CNNM4: variants seen among roughly 807,000 people sequenced by gnomAD.
The protein encoded by CNNM4 is metal transporter CNNM4.
Under a neutral mutation model 53.7 loss-of-function variants are expected in CNNM4, and 32 were observed. The observed-to-expected ratio is 0.60, with a 90% CI of 0.45 to 0.80. The LOEUF is 0.80. Ranked by LOEUF, CNNM4 falls within the 30% of genes least tolerant of loss-of-function variation. The probability of loss-of-function intolerance (pLI) is 0.00; values close to 1 mark genes in which losing one functional copy is unlikely to be tolerated. For missense variants in CNNM4, 784 were observed against 1,022.0 expected (o/e 0.77, Z 3.17); for synonymous variants, 410 against 440.0 (o/e 0.93, Z 0.85).
chr2:96,795,508 G>A (rs532540855), intron 1 of CNNM4, among the ~76,000 whole-genome samples: 3 of 152,206 alleles, frequency 2.0e-5, no homozygotes, highest in African/African-American at 7.2e-5. Context: ...CATCACATGG[G>A]GTGTATTGTG....
In CNNM4 at chr2:96,804,405, A is replaced by AT. The variant is rs1243383808; in HGVS notation, c.1949-4143dup. The stretch of plus-strand genomic sequence containing the variant: ...CCAGGAACCCCCAGCTAAGTTTTGT[A>AT]TTTTTTTTTTTTTGAGATGGAGTCT... On this transcript the variant is annotated intron_variant, in intron 5 of 6. Coordinates refer to ENST00000377075, the MANE Select transcript of CNNM4 (RefSeq NM_020184.4). 7.2e-3 allele frequency among the ~76,000 whole-genome samples: 651 copies of AT among 90,074 alleles called. 5 individuals carry two copies. The highest frequency in any genetic ancestry group is 0.02 in the African/African-American group (464 of 23,120). 59.1% of individuals were successfully genotyped at this position (90,074 alleles called of 152,430 possible).
Position 96,761,050 on chromosome 2 carries a change from G to A in CNNM4, c.51G>A (p.Gly17=), listed in dbSNP as rs2078755535. ...GCCCGGTCGGCGGACCGGCCCGCGG[G>A]CGCCTCCTCCTGGCGGCGCCGGTGC... is the stretch of plus-strand genomic sequence containing the variant. The part of the protein sequence containing the change: ...GGRPVGGPAR[G]RLLLAAPVLL... Residue 17 remains glycine, a synonymous_variant, in exon 1 of 7, where the codon GGG becomes GGA. Coordinates refer to ENST00000377075, the MANE Select transcript of CNNM4 (RefSeq NM_020184.4). The surrounding 1 kb of genome is among the most constrained non-coding windows in gnomAD (Gnocchi z 6.0). 4 of 1,239,518 alleles carry A rather than the reference G, an allele frequency of 3.2e-6. No individual in the cohort carries two copies. Among genetic ancestry groups the A allele is most frequent in the East Asian group, 3.2e-5 (1 of 31,724 alleles). The allele number at this position is 1,239,518 out of a possible 1,614,324, so 76.8% of individuals were successfully genotyped here.
At chr2:96,775,797 C>T (rs1574060833) in intron 1 of CNNM4, among the ~76,000 whole-genome samples, 1 of 152,206 alleles carries the variant, frequency 6.6e-6, no homozygotes, top group East Asian at 1.9e-4. Context: ...ATGATCACAG[C>T]TCACTGCAGC....
chr2:96,792,225 GAC>G (rs1429622525), intron 1 of CNNM4, among the ~76,000 whole-genome samples: 1 of 138,680 alleles, frequency 7.2e-6, no homozygotes, highest in African/African-American at 2.7e-5. Flanking sequence ...CAGCCTGGGT[GAC>G]AGAGTGAGAC....
intron 1 of CNNM4, among the ~76,000 whole-genome samples, chr2:96,789,970 A>G (rs1324714580): frequency 1.2e-5 from 1 of 82,974 alleles, no homozygotes; most frequent in African/African-American, 4.8e-5. Flanking sequence ...AAATGCTGGG[A>G]TTACAGGCGT....
chr2:96,805,452 T>A (rs1574086163), intron 5 of CNNM4, among the ~76,000 whole-genome samples: 1 of 138,496 alleles, frequency 7.2e-6, no homozygotes, highest in Non-Finnish European at 1.6e-5. Flanking sequence ...TATTTTTTTT[T>A]AAATTTATTT....
chr2:96,789,839 C>T (rs1477127635), intron 1 of CNNM4, among the ~76,000 whole-genome samples: 80 of 147,100 alleles, frequency 5.4e-4, no homozygotes, highest in African/African-American at 2.0e-3. Flanking sequence ...ATTACAGGCC[C>T]GCGCCACCAC....
intron 1 of CNNM4, among the ~76,000 whole-genome samples, chr2:96,767,277 A>T (rs2078827199): frequency 6.6e-6 from 1 of 152,120 alleles, no homozygotes; most frequent in African/African-American, 2.4e-5. Flanking sequence ...GGACCACAGG[A>T]GTAAGATCAT....
rs2079227828 is a variant in CNNM4, at chr2:96,808,480, T to C, written c.1949-81T>C. The C allele has an allele frequency of 1.4e-6, 2 of 1,464,612 alleles. No individual in the cohort carries two copies. Among genetic ancestry groups the C allele is most frequent in the African/African-American group, 1.4e-5 (1 of 71,920 alleles). The allele number at this position is 1,464,612 out of a possible 1,614,324, so 90.7% of individuals were successfully genotyped here. A position where few individuals can be genotyped will look rare whatever the true frequency, so the allele number is the denominator to read the frequency against. On this transcript the variant is annotated intron_variant, in intron 5 of 6. Coordinates refer to ENST00000377075, the MANE Select transcript of CNNM4 (RefSeq NM_020184.4). This position sits in a 1 kb window ranked among gnomAD's most constrained non-coding sequence, Gnocchi z 4.9. The stretch of plus-strand genomic sequence containing the variant: ...TTCCTGGGTGGGGTGTCCCTGGGCT[T>C]CCATGGGATGAGGTGAGACATGAGG...
In CNNM4 at chr2:96,797,474, G is replaced by A; in HGVS notation, c.1547-39G>A. On this transcript the variant is annotated intron_variant, in intron 2 of 6. Coordinates refer to ENST00000377075, the MANE Select transcript of CNNM4 (RefSeq NM_020184.4). The surrounding 1 kb of genome is among the most constrained non-coding windows in gnomAD (Gnocchi z 6.0). ...GTTCCAGTCTCTTCCTAAGTCCTCAGGGGTCTGTGTTCTCAATTCCACGCT... is the reference window on the plus strand; with the variant it reads ...GTTCCAGTCTCTTCCTAAGTCCTCAAGGGTCTGTGTTCTCAATTCCACGCT... 6.2e-7 allele frequency: 1 copy of A among 1,611,618 alleles called. No homozygotes were observed. Among genetic ancestry groups the A allele is most frequent in the African/African-American group, 1.3e-5 (1 of 75,058 alleles).
intron 1 of CNNM4, 51 bp from the exon 2 acceptor site, chr2:96,796,961 T>C (rs1303741144): frequency 2.5e-6 from 4 of 1,600,666 alleles, no homozygotes; most frequent in Non-Finnish European, 3.4e-6. Flanking sequence ...GTTGAGGGAG[T>C]CTCATGACTG....
chr2:96,797,250 G>A lies in CNNM4; in HGVS notation c.1546+95G>A. 1 of 1,551,804 alleles carries A rather than the reference G, an allele frequency of 6.4e-7. No homozygotes were observed. ...GAAGGGCCATAGTGCAGGGACACAG[G>A]AGGCCTAGCATCCAGAGGCCCAGTG... On this transcript the variant is annotated intron_variant, in intron 2 of 6. Transcript: ENST00000377075. This position sits in a 1 kb window ranked among gnomAD's most constrained non-coding sequence, Gnocchi z 6.0.
intron 5 of CNNM4, among the ~76,000 whole-genome samples, chr2:96,804,529 G>A (rs2079185698): frequency 6.6e-6 from 1 of 151,906 alleles, no homozygotes; most frequent in East Asian, 1.9e-4. Flanking sequence ...AGCCTCCTGA[G>A]TAGCTGGGAT....
At chr2:96,805,437 T>TA (rs1232059455) in intron 5 of CNNM4, among the ~76,000 whole-genome samples, 1,974 of 141,976 alleles carry the variant, frequency 0.014, 36 homozygotes, top group African/African-American at 0.054. Flanking sequence ...TTTTTTTTTT[T>TA]TTATTATTTT....
intron 1 of CNNM4, among the ~76,000 whole-genome samples, chr2:96,782,714 A>G (rs577764464): frequency 6.6e-6 from 1 of 152,354 alleles, no homozygotes; most frequent in Admixed American, 6.5e-5. Context: ...TGGAAACAGT[A>G]TATGATGACC....
chr2:96,780,450 G>A (rs2078964670), intron 1 of CNNM4, among the ~76,000 whole-genome samples: 1 of 147,318 alleles, frequency 6.8e-6, no homozygotes, highest in South Asian at 2.2e-4. Context: ...TTTTAGAGAC[G>A]GGCTTCACCG....
chr2:96,795,818 A>G (rs964011234), intron 1 of CNNM4, among the ~76,000 whole-genome samples: 1 of 152,136 alleles, frequency 6.6e-6, no homozygotes, highest in Non-Finnish European at 1.5e-5. Flanking sequence ...CACAGGACTC[A>G]TTCCACCTAG....
chr2:96,797,527 C>T lies in CNNM4; in HGVS notation c.1561C>T (p.Arg521Trp), dbSNP rs772498225. The T allele has an allele frequency of 2.1e-5, 34 of 1,614,056 alleles. No individual in the cohort carries two copies. The highest frequency in any genetic ancestry group is 4.4e-5 in the South Asian group (4 of 91,090). Residue 521 changes from arginine to tryptophan, a missense_variant, in exon 3 of 7, where the codon CGG (arginine) becomes TGG (tryptophan). By Grantham distance (101) the Arg-to-Trp change is moderately radical. Around this residue, in one of 3 missense-constraint regions of CNNM4, gnomAD observed 307 missense variants for 376.3 expected, o/e 0.82. Transcript: ENST00000377075. The surrounding 1 kb of genome is among the most constrained non-coding windows in gnomAD (Gnocchi z 6.0). ...ESDMYTDNRS[R>W]KRVSEKNKRD... is the part of the protein sequence containing the mutation. ...TCTTCCGGCAGCTGACAACCGAAGCCGGAAGCGGGTGTCTGAGAAGAACAA... is the reference window on the plus strand; with the variant it reads ...TCTTCCGGCAGCTGACAACCGAAGCTGGAAGCGGGTGTCTGAGAAGAACAA...
intron 1 of CNNM4, among the ~76,000 whole-genome samples, chr2:96,790,137 G>T (rs1281491181): frequency 1.3e-5 from 2 of 148,950 alleles, no homozygotes; most frequent in Admixed American, 1.4e-4. Flanking sequence ...CTCCCAAGTA[G>T]CTGGGACTAC....
Sources: gnomAD v4.1 joint callset for allele counts (sites outside exome capture counted in the v4.1 genomes callset) on GRCh38, gnomAD v4.1.1 for gene constraint, gnomAD v4.1.1 regional missense constraint, Gnocchi (gnomAD v3.1) non-coding constraint, MANE v1.5 for transcripts, NCBI Gene and HGNC (gene_info 2026-07-23, HGNC 2026-07-21) for gene names.